The following IQSEC3 variants were observed in gnomAD, a reference collection of about 807,000 sequenced individuals.
The protein encoded by IQSEC3 is IQ motif and SEC7 domain-containing protein 3.
IQSEC3 carries 50 observed loss-of-function variants against 105.4 expected under a neutral mutation model. That is an observed-to-expected ratio of 0.47 (90% CI 0.38 to 0.60). The LOEUF (loss-of-function observed/expected upper bound fraction) is 0.60. Ranked by LOEUF, IQSEC3 falls within the 20% of genes least tolerant of loss-of-function variation. The pLI, the probability that IQSEC3 is intolerant of heterozygous loss-of-function variation, is 0.00. For synonymous variants in IQSEC3, 708 were observed against 746.0 expected (o/e 0.95, Z 0.83); for missense variants, 1,415 against 1,630.0 (o/e 0.87, Z 2.27).
rs931273947 is a variant in IQSEC3 at position 125,933 on chromosome 12, G to A, written c.903+21G>A. ...AACAGGTACCCAGGGCCTCCTAGGG[G>A]GGCGGGGAGGGTGGTGAAGGGGCCC... On this transcript the variant is annotated intron_variant, in intron 3 of 13. Coordinates refer to ENST00000538872, the MANE Select transcript of IQSEC3 (RefSeq NM_001170738.2). 4.3e-5 allele frequency: 65 copies of A among 1,526,730 alleles called. No individual in the cohort carries two copies. In the Admixed American group the frequency reaches 5.2e-4, roughly 12 times the overall value. 94.6% of individuals were successfully genotyped at this position (1,526,730 alleles called of 1,614,324 possible).
chr12:89,225 T>C (rs1555072800), intron 1 of IQSEC3, among the ~76,000 whole-genome samples: 1 of 152,160 alleles, frequency 6.6e-6, no homozygotes, highest in African/African-American at 2.4e-5. Context: ...CTGGACTCCT[T>C]TGGCTCAGTG....
intron 2 of IQSEC3, among the ~76,000 whole-genome samples, chr12:104,693 T>C (rs1864582822): frequency 6.6e-6 from 1 of 152,236 alleles, no homozygotes; most frequent in Non-Finnish European, 1.5e-5. Flanking sequence ...TCGTTGCCGC[T>C]AGGCAGCAGC....
intron 5 of IQSEC3, chr12:147,759 T>C (rs1329469159): frequency 6.6e-6 from 1 of 152,200 alleles, no homozygotes; most frequent in Non-Finnish European, 1.5e-5. Flanking sequence ...ACCTCTTACC[T>C]TGGCGTTATT....
intron 1 of IQSEC3, among the ~76,000 whole-genome samples, chr12:78,219 G>A (rs1368522223): frequency 2.0e-5 from 3 of 151,508 alleles, no homozygotes; most frequent in Non-Finnish European, 4.4e-5. Flanking sequence ...GGCCCGAGGG[G>A]GCTCGGAAGG....
intron 2 of IQSEC3, among the ~76,000 whole-genome samples, chr12:122,871 T>C (rs1555082214): frequency 1.3e-5 from 2 of 152,208 alleles, no homozygotes; most frequent in African/African-American, 4.8e-5. Context: ...ACCAGTTCCC[T>C]AAAGAGTCTT....
At chr12:80,802 C>G (rs781734562) in intron 1 of IQSEC3, among the ~76,000 whole-genome samples, 1 of 152,242 alleles carries the variant, frequency 6.6e-6, no homozygotes, top group East Asian at 1.9e-4. Flanking sequence ...ACTGGGTGCC[C>G]TGGGGAGACA....
intron 2 of IQSEC3, among the ~76,000 whole-genome samples, chr12:118,225 C>T (rs966566032): frequency 2.6e-5 from 4 of 152,120 alleles, no homozygotes; most frequent in Non-Finnish European, 2.9e-5. Flanking sequence ...GCTCGGGCTT[C>T]GAATCAGCAT....
chr12:98,070 G>A lies in IQSEC3; in HGVS notation c.555-1076G>A, dbSNP rs572703491. On this transcript the variant is annotated intron_variant, in intron 1 of 13. Transcript: ENST00000538872. Reference sequence around the variant, plus strand: ...AGTGTTCTGAAGCTGAAGGAATTTTGAAAATCCCTTTCAGATGATCTCTGG... The same window carrying A: ...AGTGTTCTGAAGCTGAAGGAATTTTAAAAATCCCTTTCAGATGATCTCTGG... Among the ~76,000 whole-genome samples the A allele has an allele frequency of 4.6e-5, 7 of 152,338 alleles. No homozygotes were observed. In the East Asian group the frequency reaches 1.2e-3, roughly 25 times the overall value.
intron 5 of IQSEC3, chr12:143,826 CGTGTGTGTGTGTGTGTGT>C (rs111698246): frequency 8.1e-5 from 12 of 147,416 alleles, no homozygotes; most frequent in African/African-American, 2.8e-4. Context: ...GCTGGGCACC[CGTGTGTGTGTGTGTGTGT>C]GTGTGTGTGT....
At chr12:161,009 C>T (rs782154258) in intron 7 of IQSEC3, among the ~76,000 whole-genome samples, 4 of 152,124 alleles carry the variant, frequency 2.6e-5, no homozygotes, top group East Asian at 3.9e-4. Flanking sequence ...TCTCACCCGC[C>T]GCCTGATTTC....
intron 13 of IQSEC3, among the ~76,000 whole-genome samples, chr12:173,863 A>G (rs1939135073): frequency 6.6e-6 from 1 of 152,108 alleles, no homozygotes; most frequent in South Asian, 2.1e-4. Flanking sequence ...GGGGCTCATG[A>G]GCATCATCTG....
chr12:94,851 G>C (rs1864197182), intron 1 of IQSEC3, among the ~76,000 whole-genome samples: 1 of 152,254 alleles, frequency 6.6e-6, no homozygotes, highest in Non-Finnish European at 1.5e-5. Context: ...TGAAATGCCA[G>C]CGCTGTGGGT....
chr12:79,076 C>G (rs1863657085), intron 1 of IQSEC3, among the ~76,000 whole-genome samples: 1 of 152,222 alleles, frequency 6.6e-6, no homozygotes, highest in Non-Finnish European at 1.5e-5. Flanking sequence ...GGAGAACATA[C>G]CTGATCCTGG....
intron 5 of IQSEC3, among the ~76,000 whole-genome samples, chr12:151,048 A>G (rs3847942): frequency 0.77 from 88,024 of 114,036 alleles, 32,387 homozygotes; most frequent in Admixed American, 0.85. Context: ...GAGGGGAGGC[A>G]CGGTAGCTAT....
rs992796149 is a variant in IQSEC3 at position 175,773 on chromosome 12, G to C, written c.*740G>C. The C allele has an allele frequency of 6.6e-6, 1 of 152,306 alleles. No individual in the cohort carries two copies. The highest frequency in any genetic ancestry group is 1.5e-5 in the Non-Finnish European group (1 of 68,096). The allele number at this position is 152,306 out of a possible 1,614,324, so 9.4% of individuals were successfully genotyped here. A position where few individuals can be genotyped will look rare whatever the true frequency, so the allele number is the denominator to read the frequency against. On this transcript the variant is annotated 3_prime_UTR_variant, in exon 14 of 14. Coordinates refer to ENST00000538872, the MANE Select transcript of IQSEC3 (RefSeq NM_001170738.2). Reference sequence around the variant, plus strand: ...CAGTCCAGCAGGGCCACGGGATCGCGAGGTCATGTATCTGCAAAATGCACC... The same window carrying C: ...CAGTCCAGCAGGGCCACGGGATCGCCAGGTCATGTATCTGCAAAATGCACC...
chr12:121,529 G>T (rs1401137049), intron 2 of IQSEC3, among the ~76,000 whole-genome samples: 2 of 152,170 alleles, frequency 1.3e-5, no homozygotes, highest in African/African-American at 2.4e-5. Flanking sequence ...CCCATGTGTT[G>T]GTGACACCCA....
intron 7 of IQSEC3, among the ~76,000 whole-genome samples, chr12:158,377 T>A (rs1866771575): frequency 6.6e-6 from 1 of 152,204 alleles, no homozygotes. Context: ...TCTGCTTCGC[T>A]TTTTTCTATC....
At position 138,692 on chromosome 12, in the gene IQSEC3, C is replaced by T. The variant is rs782010629; in HGVS notation, c.1329C>T (p.Ala443=). 2 of 1,533,752 alleles carry T rather than the reference C, an allele frequency of 1.3e-6. No homozygotes were observed. Among genetic ancestry groups the T allele is most frequent in the Non-Finnish European group, 1.7e-6 (2 of 1,145,058 alleles). The part of the protein sequence containing the change: ...AYQLHQALQA[A]AGPPGLEAEG... ...AGCTCCACCAGGCCCTGCAGGCGGCCGCGGGGCCCCCAGGCCTGGAGGCCG... is the reference window on the plus strand; with the variant it reads ...AGCTCCACCAGGCCCTGCAGGCGGCTGCGGGGCCCCCAGGCCTGGAGGCCG... The change falls in exon 4 of 14, where the codon GCC becomes GCT. Residue 443 remains alanine, a synonymous_variant. Coordinates refer to ENST00000538872, the MANE Select transcript of IQSEC3 (RefSeq NM_001170738.2). The surrounding 1 kb of genome is among the most constrained non-coding windows in gnomAD (Gnocchi z 7.1).
intron 2 of IQSEC3, among the ~76,000 whole-genome samples, chr12:113,681 C>T (rs1864964356): frequency 6.6e-6 from 1 of 152,220 alleles, no homozygotes; most frequent in South Asian, 2.1e-4. Context: ...ACTGACATAT[C>T]ATATTAGTAT....
Sources: allele counts gnomAD v4.1 joint callset (sites outside exome capture counted in the v4.1 genomes callset), GRCh38; gene constraint gnomAD v4.1.1; non-coding constraint Gnocchi (gnomAD v3.1); transcripts MANE v1.5; gene names NCBI Gene and HGNC (gene_info 2026-07-23, HGNC 2026-07-21).